The following TSC2 variants were observed in gnomAD, a reference collection of about 807,000 sequenced individuals.
The protein encoded by TSC2 is tuberin.
In TSC2, 29 loss-of-function variants were observed where a neutral mutation model predicts 202.2. That is an observed-to-expected ratio of 0.14 (90% CI 0.11 to 0.20). The LOEUF is 0.20. TSC2 is among the 10% of genes least tolerant of loss of function. The pLI is 1.00. For missense variants in TSC2, 2,429 were observed against 2,420.0 expected (o/e 1.00, Z -0.08); for synonymous variants, 1,349 against 1,044.0 (o/e 1.29, Z -5.63).
chr16:2,081,966 G>C (rs145471758), intron 31 of TSC2, 168 bp downstream of exon 31: 6 of 984,220 alleles, frequency 6.1e-6, no homozygotes, highest in Admixed American at 2.0e-5. Flanking sequence ...CTGACCCGTG[G>C]GAGGTGTCTG....
At position 2,050,878 on chromosome 16, in the gene TSC2, C is replaced by T. The variant is rs111688180; in HGVS notation, c.225+392C>T. Among the ~76,000 whole-genome samples the T allele has an allele frequency of 7.3e-3, 1,110 of 152,132 alleles. 11 individuals carry two copies. The highest frequency in any genetic ancestry group is 0.025 in the African/African-American group (1,053 of 41,508). ...CTGGGATTACAGGCGTGAGCCACTGCGCCCAGCCAGTTTGCACTGTTTTAG... is the reference window on the plus strand; with the variant it reads ...CTGGGATTACAGGCGTGAGCCACTGTGCCCAGCCAGTTTGCACTGTTTTAG... On this transcript the variant is annotated intron_variant, in intron 3 of 41. Transcript: ENST00000219476.
chr16:2,074,432 G>T (rs766786766), intron 22 of TSC2, 43 bp downstream of exon 22: 2 of 1,601,932 alleles, frequency 1.2e-6, no homozygotes, highest in East Asian at 2.2e-5. Context: ...AGAGGTTCGG[G>T]CTGTGTAACC....
intron 8 of TSC2, 118 bp downstream of exon 8, chr16:2,056,887 A>G (rs1297809729): frequency 3.0e-5 from 45 of 1,524,068 alleles, no homozygotes; most frequent in Non-Finnish European, 3.4e-5. Flanking sequence ...TGGCCTGTTG[A>G]GGGACGGCCA....
Position 2,088,716 on chromosome 16 carries a change from A to G in TSC2, c.*106A>G. 7.0e-7 allele frequency: 1 copy of G among 1,431,532 alleles called. No homozygotes were observed. Among genetic ancestry groups the G allele is most frequent in the South Asian group, 1.3e-5 (1 of 78,932 alleles). 88.7% of individuals were successfully genotyped at this position (1,431,532 alleles called of 1,614,324 possible). A position where few individuals can be genotyped will look rare whatever the true frequency, so the allele number is the denominator to read the frequency against. ...AGACATAGAGGCACAGATTGCAGTC[A>G]GACAGCTCTTTTATTGACTTTGTCT... On this transcript the variant is annotated 3_prime_UTR_variant, in exon 42 of 42. Transcript: ENST00000219476.
In TSC2 at chr16:2,081,939, C is replaced by T. The variant is rs7196774; in HGVS notation, c.3814+141C>T. ...GGCCTGCCTCAGCACCATTGTTCTC[C>T]GGTGTTTGGGAGGAGGCTGACCCGT... On this transcript the variant is annotated intron_variant, in intron 31 of 41. Transcript: ENST00000219476. 6.5e-3 allele frequency: 8,011 copies of T among 1,233,858 alleles called. 162 individuals are homozygous for T. The highest frequency in any genetic ancestry group is 0.058 in the African/African-American group (3,893 of 67,104). 76.4% of individuals were successfully genotyped at this position (1,233,858 alleles called of 1,614,324 possible). A position where few individuals can be genotyped will look rare whatever the true frequency, so the allele number is the denominator to read the frequency against.
chr16:2,056,096 C>T, intron 6 of TSC2, 100 bp from the exon 7 acceptor site: 1 of 1,495,902 alleles, frequency 6.7e-7, no homozygotes. Flanking sequence ...GGAGGATGAG[C>T]CATGCGTGTT....
intron 38 of TSC2, 103 bp downstream of exon 38, chr16:2,086,974 CAGG>C (rs1439646184): frequency 5.3e-6 from 8 of 1,516,046 alleles, no homozygotes; most frequent in East Asian, 2.5e-5. Context: ...TCACGAGGAG[CAGG>C]AGGAGAGGCC....
chr16:2,055,997 G>A, intron 6 of TSC2, 199 bp from the exon 7 acceptor site: 1 of 676,666 alleles, frequency 1.5e-6, no homozygotes, highest in Non-Finnish European at 2.7e-6. Flanking sequence ...CATGAGCTCT[G>A]TCTCACTCAT....
rs2089798819 is a variant in TSC2, at chr16:2,079,132, A to G, written c.3067A>G (p.Thr1023Ala). ...CCTGAAAAACCTCCACCTGGAGCTC[A>G]CGGAAACCTGTCTGGACATGATGGC... ...DSLKNLHLEL[T>A]ETCLDMMARY... The change falls in exon 27 of 42, where the codon ACG (threonine) becomes GCG (alanine). Residue 1023 changes from threonine to alanine, a missense_variant. Physicochemically the swap from Thr to Ala is moderately conservative, Grantham distance 58. Coordinates refer to ENST00000219476, the MANE Select transcript of TSC2 (RefSeq NM_000548.5). This position sits in a 1 kb window ranked among gnomAD's most constrained non-coding sequence, Gnocchi z 4.6. 1 of 1,613,036 alleles carries G rather than the reference A, an allele frequency of 6.2e-7. No individual in the cohort carries two copies. The highest frequency in any genetic ancestry group is 8.5e-7 in the Non-Finnish European group (1 of 1,180,024).
intron 14 of TSC2, chr16:2,063,757 G>T: frequency 1.0e-4 from 21 of 200,204 alleles, no homozygotes; most frequent in South Asian, 5.2e-4. Context: ...GGGTCCTCTG[G>T]CTTCTCCCAT....
At chr16:2,075,439 A>G (rs1162747151) in intron 22 of TSC2, among the ~76,000 whole-genome samples, 3 of 144,986 alleles carry the variant, frequency 2.1e-5, no homozygotes, top group Non-Finnish European at 4.5e-5. Flanking sequence ...AGGCAGGAGA[A>G]TGGCGTGAAC....
At position 2,084,720 on chromosome 16, in the gene TSC2, G is replaced by T. The variant is rs752851868; in HGVS notation, c.4493+5G>T. On this transcript the variant is annotated splice_donor_5th_base_variant and intron_variant, in intron 34 of 41. Coordinates refer to ENST00000219476, the MANE Select transcript of TSC2 (RefSeq NM_000548.5). ...AGTGCCAGGCATCAACCCCAGGTGG[G>T]CCTCTTGCTTCCGGGCGGGGCTCCT... 2.5e-6 allele frequency: 4 copies of T among 1,598,324 alleles called. No individual in the cohort carries two copies.
At chr16:2,087,989 GGGCCCTGCAGTGT>G in intron 39 of TSC2, 46 bp from the exon 40 acceptor site, 2 of 1,612,342 alleles carry the variant, frequency 1.2e-6, no homozygotes. Flanking sequence ...GGGCCGGGTG[GGGCCCTGCAGTGT>G]GGCGCCAAGA....
chr16:2,065,304 T>G, intron 15 of TSC2: 2 of 552,994 alleles, frequency 3.6e-6, no homozygotes, highest in South Asian at 3.7e-5. Context: ...TCCTAGCTAC[T>G]GGGGAGGCTG....
At position 2,079,467 on chromosome 16, in the gene TSC2, G is replaced by A. The variant is rs369168372; in HGVS notation, c.3284+39G>A. 1.6e-5 allele frequency: 26 copies of A among 1,611,944 alleles called. No homozygotes were observed. The highest frequency in any genetic ancestry group is 3.3e-5 in the Admixed American group (2 of 59,920). On this transcript the variant is annotated intron_variant, in intron 28 of 41. Transcript: ENST00000219476. The surrounding 1 kb of genome is among the most constrained non-coding windows in gnomAD (Gnocchi z 4.6). ...CCTTTCCTCCGCGCCTGCCAGCCTCGACACCGGCTGTCCCGAGCCCAGGCC... is the reference window on the plus strand; with the variant it reads ...CCTTTCCTCCGCGCCTGCCAGCCTCAACACCGGCTGTCCCGAGCCCAGGCC...
intron 4 of TSC2, 191 bp from the exon 5 acceptor site, chr16:2,054,105 G>A (rs905525933): frequency 2.4e-6 from 2 of 825,150 alleles, no homozygotes; most frequent in East Asian, 2.6e-5. Context: ...GCCGCTCTGC[G>A]GTCGGCCGGT....
In TSC2 at chr16:2,083,969, T is replaced by A. The variant is rs28535326; in HGVS notation, c.4005+153T>A. Among the ~76,000 whole-genome samples, 2,195 of 152,300 alleles carry A rather than the reference T, an allele frequency of 0.014. 59 individuals are homozygous for A. The highest frequency in any genetic ancestry group is 0.05 in the African/African-American group (2,061 of 41,554). ...CCTCGTGCACAGACGGTCTGCACTT[T>A]GCAGCCATCCACCTGGGCCGGCCCT... On this transcript the variant is annotated intron_variant, in intron 33 of 41. Transcript: ENST00000219476.
At chr16:2,069,378 G>A (rs769040991) in intron 16 of TSC2, among the ~76,000 whole-genome samples, 2 of 151,676 alleles carry the variant, frequency 1.3e-5, no homozygotes, top group South Asian at 4.2e-4. Flanking sequence ...GTGCAGTGGC[G>A]CAATCTTGGT....
At chr16:2,059,148 A>G (rs2086292912) in intron 10 of TSC2, among the ~76,000 whole-genome samples, 1 of 151,302 alleles carries the variant, frequency 6.6e-6, no homozygotes, top group Admixed American at 6.6e-5. Context: ...ACTCCTGAGT[A>G]GCTGGGATTA....
Sources: gnomAD v4.1 joint callset for allele counts (sites outside exome capture counted in the v4.1 genomes callset) on GRCh38, gnomAD v4.1.1 for gene constraint, Gnocchi (gnomAD v3.1) non-coding constraint, MANE v1.5 for transcripts, NCBI Gene and HGNC (gene_info 2026-07-23, HGNC 2026-07-21) for gene names.